Variants in FAM110A observed in about 807,000 individuals in gnomAD.
FAM110A encodes family with sequence similarity 110 member A, also known as protein FAM110A.
A neutral mutation model predicts 4.0 loss-of-function variants in FAM110A; 1 was observed. That is an observed-to-expected ratio of 0.25 (90% CI 0.09 to 1.20). The LOEUF is 1.20. Ranked by LOEUF, FAM110A falls within the 50% of genes most tolerant of loss-of-function variation. FAM110A has a pLI of 0.50. For missense variants in FAM110A, 436 were observed against 429.2 expected (o/e 1.02, Z -0.14); for synonymous variants, 217 against 196.8 (o/e 1.10, Z -0.86).
chr20:837,885 C>T (rs1979663377), intron 1 of FAM110A, among the ~76,000 whole-genome samples: 1 of 150,608 alleles, frequency 6.6e-6, no homozygotes. Flanking sequence ...GGGGAGGAGG[C>T]TTGGTGCTTA....
intron 1 of FAM110A, among the ~76,000 whole-genome samples, chr20:843,417 G>A (rs1376311984): frequency 1.3e-5 from 2 of 152,186 alleles, no homozygotes; most frequent in Non-Finnish European, 2.9e-5. Context: ...GTGGCAACTG[G>A]CCACATGTGG....
intron 1 of FAM110A, among the ~76,000 whole-genome samples, chr20:835,797 C>G (rs961373877): frequency 1.3e-5 from 2 of 152,204 alleles, no homozygotes; most frequent in South Asian, 4.1e-4. Flanking sequence ...CTGACCTGGA[C>G]AGCTGGGCTG....
chr20:842,598 T>C (rs1349693545), intron 1 of FAM110A, among the ~76,000 whole-genome samples: 1 of 152,174 alleles, frequency 6.6e-6, no homozygotes, highest in East Asian at 1.9e-4. Flanking sequence ...CCCAAGGATC[T>C]ATTCCCAACT....
intron 1 of FAM110A, chr20:836,245 TTG>T (rs1491340776): frequency 5.7e-5 from 3 of 52,992 alleles, no homozygotes; most frequent in South Asian, 8.6e-4. Flanking sequence ...TTTACATTTT[TTG>T]GGGGGGGGGG....
intron 1 of FAM110A, among the ~76,000 whole-genome samples, chr20:841,836 C>A (rs1257730095): frequency 3.9e-5 from 6 of 152,218 alleles, no homozygotes; most frequent in South Asian, 2.1e-4. Flanking sequence ...GCCGCTGCAC[C>A]TCCGTTTGCC....
intron 1 of FAM110A, among the ~76,000 whole-genome samples, chr20:841,107 G>T (rs78802022): frequency 0.21 from 31,873 of 152,158 alleles, 3,485 homozygotes; most frequent in East Asian, 0.34. Flanking sequence ...GTCCTGGAGC[G>T]GGTCGGACCC....
chr20:844,555 A>T (rs1009522984), intron 1 of FAM110A, 153 bp from the exon 2 acceptor site: 3 of 191,082 alleles, frequency 1.6e-5, no homozygotes, highest in African/African-American at 7.1e-5. Flanking sequence ...GAGGCCCCGC[A>T]GCTGCTGCCT....
In FAM110A at chr20:844,790, G is replaced by A. The variant is rs543401431; in HGVS notation, c.-15G>A. The A allele has an allele frequency of 9.7e-6, 14 of 1,444,002 alleles. No homozygotes were observed. The African/African-American group carries it at 1.6e-4, about 16-fold the overall frequency. The allele number at this position is 1,444,002 out of a possible 1,614,324, so 89.4% of individuals were successfully genotyped here. On this transcript the variant is annotated 5_prime_UTR_variant, in exon 2 of 2. Coordinates refer to ENST00000381941, the MANE Select transcript of FAM110A (RefSeq NM_001042353.3). ...CGGTCTCCGCAGACTAAAGCCCTCG[G>A]GATATGCAGCAGCCATGCCTGTGCA...
Position 844,824 on chromosome 20 carries a change from G to T in FAM110A, c.20G>T (p.Ser7Ile), listed in dbSNP as rs1383560197. ...GCAGCCATGCCTGTGCACACGCTGA[G>T]CCCCGGAGCCCCGTCCGCCCCCGCC... MPVHTL[S>I]PGAPSAPALP... The change falls in exon 2 of 2, where the codon AGC becomes ATC. Residue 7 changes from serine to isoleucine, a missense_variant. Ser to Ile is a moderately radical substitution (Grantham distance 142). Coordinates refer to ENST00000381941, the MANE Select transcript of FAM110A (RefSeq NM_001042353.3). 1 of 1,503,314 alleles carries T rather than the reference G, an allele frequency of 6.7e-7. No homozygotes were observed. Among genetic ancestry groups the T allele is most frequent in the Non-Finnish European group, 8.9e-7 (1 of 1,127,704 alleles). The allele number at this position is 1,503,314 out of a possible 1,614,324, so 93.1% of individuals were successfully genotyped here. A position where few individuals can be genotyped will look rare whatever the true frequency, so the allele number is the denominator to read the frequency against.
intron 1 of FAM110A, among the ~76,000 whole-genome samples, chr20:841,068 C>T (rs1390862874): frequency 6.6e-6 from 1 of 152,156 alleles, no homozygotes; most frequent in Non-Finnish European, 1.5e-5. Context: ...GTGGGCGGGT[C>T]TCGGCTCCCG....
rs7273455 is a variant in FAM110A, at chr20:845,201, G to A, written c.397G>A (p.Ala133Thr). Residue 133 changes from alanine to threonine, a missense_variant, in exon 2 of 2, where the codon GCC (alanine) becomes ACC (threonine). Coordinates refer to ENST00000381941, the MANE Select transcript of FAM110A (RefSeq NM_001042353.3). ...ASRTPGRAEG[A>T]GRPPPATPPR... ...CCGCACTCCTGGACGGGCCGAGGGA[G>A]CCGGCCGTCCTCCCCCAGCCACCCC... 4 of 1,557,226 alleles carry A rather than the reference G, an allele frequency of 2.6e-6. No individual in the cohort carries two copies. Among genetic ancestry groups the A allele is most frequent in the Middle Eastern group, 1.7e-4 (1 of 5,928 alleles).
rs1447378585 is a variant in FAM110A at position 845,056 on chromosome 20, A to T, written c.252A>T (p.Thr84=). 5.0e-6 allele frequency: 8 copies of T among 1,595,082 alleles called. No homozygotes were observed. The highest frequency in any genetic ancestry group is 4.3e-6 in the Non-Finnish European group (5 of 1,171,912). Residue 84 remains threonine, a synonymous_variant, in exon 2 of 2, where the codon ACA becomes ACT. Transcript: ENST00000381941. ...QPLFSPETRR[T]VLTPSRRALP... ...TCTTTAGCCCTGAGACTCGCCGCAC[A>T]GTGCTCACGCCCAGCCGCCGAGCCC...
At position 845,501 on chromosome 20, in the gene FAM110A, T is replaced by A; in HGVS notation, c.697T>A (p.Ser233Thr). 1 of 1,612,330 alleles carries A rather than the reference T, an allele frequency of 6.2e-7. No homozygotes were observed. The highest frequency in any genetic ancestry group is 8.5e-7 in the Non-Finnish European group (1 of 1,179,218). The change falls in exon 2 of 2, where the codon TCC becomes ACC. Residue 233 changes from serine (S) to threonine (T), a missense_variant. Physicochemically the swap from Ser to Thr is moderately conservative, Grantham distance 58 (BLOSUM62 1). Coordinates refer to ENST00000381941, the MANE Select transcript of FAM110A (RefSeq NM_001042353.3). ...HLARASSDIV[S>T]LAGPSAGPGS... The stretch of plus-strand genomic sequence containing the variant: ...GGCACGGGCCAGCTCGGATATCGTG[T>A]CCCTGGCAGGGCCCAGTGCTGGGCC...
chr20:844,250 A>C (rs1408275301), intron 1 of FAM110A, among the ~76,000 whole-genome samples: 1 of 152,160 alleles, frequency 6.6e-6, no homozygotes, highest in East Asian at 1.9e-4. Context: ...TTTGGTGGTC[A>C]GGGGCAGAGC....
At chr20:842,963 T>C (rs1980022375) in intron 1 of FAM110A, among the ~76,000 whole-genome samples, 1 of 151,886 alleles carries the variant, frequency 6.6e-6, no homozygotes, top group Non-Finnish European at 1.5e-5. Context: ...GAAACTGGGG[T>C]ATAGTGAACA....
intron 1 of FAM110A, among the ~76,000 whole-genome samples, chr20:841,821 C>G (rs1276466001): frequency 6.6e-6 from 1 of 152,194 alleles, no homozygotes; most frequent in African/African-American, 2.4e-5. Context: ...CTTCACCTGG[C>G]GGGAGCCGCT....
At chr20:835,188 C>CTATA (rs1421592795) in intron 1 of FAM110A, among the ~76,000 whole-genome samples, 37 of 128,718 alleles carry the variant, frequency 2.9e-4, no homozygotes, top group African/African-American at 1.1e-3. Context: ...CTCTCTCTCT[C>CTATA]TCTCTCTCTC....
At position 845,454 on chromosome 20, in the gene FAM110A, G is replaced by A; in HGVS notation, c.650G>A (p.Arg217Lys). The change falls in exon 2 of 2, where the codon AGA becomes AAA. Residue 217 changes from arginine (R) to lysine (K), a missense_variant. By Grantham distance (26) the Arg-to-Lys change is conservative. Coordinates refer to ENST00000381941, the MANE Select transcript of FAM110A (RefSeq NM_001042353.3). Reference sequence around the variant, plus strand: ...TGCGGCCTGGACCCGGAGGAGGCGAGAGGGTTGGGTGTGGCCCACCTGGCA... The same window carrying A: ...TGCGGCCTGGACCCGGAGGAGGCGAAAGGGTTGGGTGTGGCCCACCTGGCA... ...NFCGLDPEEA[R>K]GLGVAHLARA... 1 of 1,613,672 alleles carries A rather than the reference G, an allele frequency of 6.2e-7. No homozygotes were observed. Among genetic ancestry groups the A allele is most frequent in the Non-Finnish European group, 8.5e-7 (1 of 1,179,862 alleles).
chr20:839,622 C>A, intron 1 of FAM110A: 1 of 1,133,964 alleles, frequency 8.8e-7, no homozygotes, highest in Non-Finnish European at 1.3e-6. Flanking sequence ...ACCCTCCAGA[C>A]CTTTAGGCCG....
Sources: gnomAD v4.1 joint callset for allele counts (sites outside exome capture counted in the v4.1 genomes callset) on GRCh38, gnomAD v4.1.1 for gene constraint, MANE v1.5 for transcripts, NCBI Gene and HGNC (gene_info 2026-07-23, HGNC 2026-07-21) for gene names.